KDM4C: variants seen among roughly 807,000 people sequenced by gnomAD.
The protein encoded by KDM4C is lysine demethylase 4C, also known as lysine-specific demethylase 4C.
KDM4C carries 81 observed loss-of-function variants against 129.3 expected under a neutral mutation model. That is an observed-to-expected ratio of 0.63 (90% CI 0.52 to 0.75). The LOEUF is 0.75. KDM4C is among the 30% of genes least tolerant of loss of function. KDM4C has a pLI of 0.00. For missense variants in KDM4C, 1,457 were observed against 1,304.0 expected (o/e 1.12, Z -1.81); for synonymous variants, 573 against 456.1 (o/e 1.26, Z -3.26).
intron 1 of KDM4C, among the ~76,000 whole-genome samples, chr9:6,764,196 T>TA (rs1336513365): frequency 6.6e-6 from 1 of 152,236 alleles, no homozygotes; most frequent in Non-Finnish European, 1.5e-5. Context: ...TAGGAGTACT[T>TA]ACAATAGGCT....
chr9:6,853,727 G>C (rs1839267495), intron 5 of KDM4C, among the ~76,000 whole-genome samples: 1 of 152,156 alleles, frequency 6.6e-6, no homozygotes. Context: ...AGAGTAAGCA[G>C]ATAGAAAACT....
intron 2 of KDM4C, among the ~76,000 whole-genome samples, chr9:6,802,230 C>T (rs928871720): frequency 2.6e-5 from 4 of 152,040 alleles, no homozygotes; most frequent in South Asian, 2.1e-4. Context: ...AACAGAAAGA[C>T]TAAGAGTTAA....
intron 17 of KDM4C, among the ~76,000 whole-genome samples, chr9:7,089,309 A>C (rs1218075032): frequency 6.6e-6 from 1 of 152,132 alleles, no homozygotes; most frequent in Non-Finnish European, 1.5e-5. Flanking sequence ...GTAAGGGAAA[A>C]ATTATATACA....
intron 2 of KDM4C, among the ~76,000 whole-genome samples, chr9:6,801,987 C>A (rs1588369128): frequency 6.6e-6 from 1 of 151,934 alleles, no homozygotes; most frequent in African/African-American, 2.4e-5. Flanking sequence ...CACCTGTAAT[C>A]CCAGCCACTA....
intron 17 of KDM4C, among the ~76,000 whole-genome samples, chr9:7,072,408 T>C (rs1833328622): frequency 1.3e-5 from 2 of 152,296 alleles, no homozygotes; most frequent in Middle Eastern, 6.8e-3. Context: ...TCTCAAAACA[T>C]GGTACCTTCA....
rs376398932 is a variant in KDM4C, at chr9:6,862,421, CT to C, written c.629+12724del. On this transcript the variant is annotated intron_variant, in intron 5 of 21. Coordinates refer to ENST00000381309, the MANE Select transcript of KDM4C (RefSeq NM_015061.6). ...TTGCATGTTACTTGTAGTTTGGTTG[CT>C]TTGAATAAAGTGCACTTTTGAAAGC... Among the ~76,000 whole-genome samples the C allele has an allele frequency of 7.4e-4, 112 of 152,066 alleles. 2 individuals are homozygous for C. The highest frequency in any genetic ancestry group is 2.6e-3 in the African/African-American group (108 of 41,454).
chr9:7,056,818 G>C (rs1267333843), intron 17 of KDM4C, among the ~76,000 whole-genome samples: 1 of 152,168 alleles, frequency 6.6e-6, no homozygotes, highest in Non-Finnish European at 1.5e-5. Context: ...TTGTCTGTGT[G>C]AGTAGTGATT....
At chr9:6,813,426 T>A (rs1178165794) in intron 3 of KDM4C, among the ~76,000 whole-genome samples, 1 of 152,226 alleles carries the variant, frequency 6.6e-6, no homozygotes, top group Non-Finnish European at 1.5e-5. Context: ...TAAATTAAGT[T>A]GTTTGGTATT....
chr9:6,971,098 A>G (rs1349981297), intron 8 of KDM4C, among the ~76,000 whole-genome samples: 1 of 152,208 alleles, frequency 6.6e-6, no homozygotes, highest in Non-Finnish European at 1.5e-5. Flanking sequence ...ATGGATTGTA[A>G]TAGGCAGCCA....
At chr9:6,902,389 T>C (rs1451255104) in intron 8 of KDM4C, among the ~76,000 whole-genome samples, 2 of 152,110 alleles carry the variant, frequency 1.3e-5, no homozygotes, top group Non-Finnish European at 2.9e-5. Flanking sequence ...GCTTAGTAAA[T>C]GTCCTGATGG....
intron 15 of KDM4C, among the ~76,000 whole-genome samples, chr9:7,031,893 C>G: frequency 6.6e-6 from 1 of 152,124 alleles, no homozygotes; most frequent in East Asian, 1.9e-4. Flanking sequence ...TTCATAAATC[C>G]CACTCCCCTA....
At chr9:6,951,128 G>A (rs1828068808) in intron 8 of KDM4C, among the ~76,000 whole-genome samples, 1 of 151,964 alleles carries the variant, frequency 6.6e-6, no homozygotes, top group Non-Finnish European at 1.5e-5. Context: ...ATCAGTCAGG[G>A]TAATTCACAT....
At chr9:6,943,996 T>C (rs1380624036) in intron 8 of KDM4C, among the ~76,000 whole-genome samples, 1 of 152,232 alleles carries the variant, frequency 6.6e-6, no homozygotes, top group Admixed American at 6.5e-5. Context: ...TTTTCAGTCA[T>C]GTCGGGCCTA....
At chr9:6,746,246 T>TTATATATATATA (rs749012885) in intron 1 of KDM4C, among the ~76,000 whole-genome samples, 34 of 116,062 alleles carry the variant, frequency 2.9e-4, no homozygotes, top group South Asian at 9.7e-4. Flanking sequence ...CAGCCAGCCA[T>TTATATATATATA]TATATATATA....
At chr9:6,787,387 C>T (rs1019685130) in intron 1 of KDM4C, among the ~76,000 whole-genome samples, 1 of 152,190 alleles carries the variant, frequency 6.6e-6, no homozygotes, top group African/African-American at 2.4e-5. Flanking sequence ...CACGCACCAC[C>T]ACACCTGGCT....
At chr9:7,033,143 A>AT (rs539641712) in intron 15 of KDM4C, among the ~76,000 whole-genome samples, 54,372 of 137,276 alleles carry the variant, frequency 0.4, 11,618 homozygotes, top group Middle Eastern at 0.53. Flanking sequence ...TTTATGCTGG[A>AT]TTTTTTTTTT....
chr9:6,939,337 C>G (rs1223744015), intron 8 of KDM4C, among the ~76,000 whole-genome samples: 2 of 152,050 alleles, frequency 1.3e-5, no homozygotes, highest in African/African-American at 4.8e-5. Context: ...GTCACTGTCT[C>G]CCATCCCCCC....
At position 6,981,112 on chromosome 9, in the gene KDM4C, C is replaced by G. The variant is rs746888411; in HGVS notation, c.1109C>G (p.Ser370Cys). ...AGGAGGAGGAAAGTAAGAAAAGCATCCCGAAGGTAATGACCCCTCACCCCA... is the reference window on the plus strand; with the variant it reads ...AGGAGGAGGAAAGTAAGAAAAGCATGCCGAAGGTAATGACCCCTCACCCCA... ...LQRRRKVRKA[S>C]RSFQCARSTS... The change falls in exon 9 of 22, where the codon TCC becomes TGC. Residue 370 changes from serine to cysteine, a missense_variant. Coordinates refer to ENST00000381309, the MANE Select transcript of KDM4C (RefSeq NM_015061.6). 6.2e-7 allele frequency: 1 copy of G among 1,610,842 alleles called. No homozygotes were observed.
At chr9:6,859,589 C>T (rs1260403057) in intron 5 of KDM4C, among the ~76,000 whole-genome samples, 2 of 135,392 alleles carry the variant, frequency 1.5e-5, no homozygotes, top group South Asian at 2.5e-4. Context: ...ACTGGCTGGG[C>T]GCGGTGGCTC....
Sources: gnomAD v4.1 joint callset for allele counts (sites outside exome capture counted in the v4.1 genomes callset) on GRCh38, gnomAD v4.1.1 for gene constraint, MANE v1.5 for transcripts, NCBI Gene and HGNC (gene_info 2026-07-23, HGNC 2026-07-21) for gene names.